CHAT: variants seen among roughly 807,000 people sequenced by gnomAD.
CHAT encodes choline O-acetyltransferase.
A neutral mutation model predicts 76.9 loss-of-function variants in CHAT; 61 were observed. The observed-to-expected ratio is 0.79, with a 90% CI of 0.65 to 0.98. CHAT has a LOEUF of 0.98. Ranked by LOEUF, CHAT falls within the 50% of genes least tolerant of loss-of-function variation. The probability of loss-of-function intolerance (pLI) is 0.00; values close to 1 mark genes in which losing one functional copy is unlikely to be tolerated. For synonymous variants in CHAT, 407 were observed against 397.4 expected (o/e 1.02, Z -0.29); for missense variants, 946 against 986.9 (o/e 0.96, Z 0.56).
chr10:49,617,252 G>A (rs1286007613), intron 2 of CHAT, among the ~76,000 whole-genome samples: 1 of 151,118 alleles, frequency 6.6e-6, no homozygotes, highest in East Asian at 1.9e-4. Flanking sequence ...CCAAGAAGCT[G>A]TTCACTCCAT....
intron 7 of CHAT, among the ~76,000 whole-genome samples, chr10:49,636,227 T>C (rs1839290175): frequency 6.6e-6 from 1 of 152,352 alleles, no homozygotes; most frequent in African/African-American, 2.4e-5. Context: ...TGAATGGATG[T>C]TCAATTTTGT....
At chr10:49,639,123 C>A (rs1393887896) in intron 7 of CHAT, among the ~76,000 whole-genome samples, 4 of 151,998 alleles carry the variant, frequency 2.6e-5, no homozygotes, top group Non-Finnish European at 5.9e-5. Context: ...TAATCCCAGC[C>A]ACTCAGGAGG....
rs1447873676 is a variant in CHAT, at chr10:49,614,286, C to A, written c.97C>A (p.Pro33Thr). The A allele has an allele frequency of 1.3e-6, 2 of 1,548,574 alleles. No homozygotes were observed. Among genetic ancestry groups the A allele is most frequent in the South Asian group, 2.4e-5 (2 of 83,908 alleles). ...TACAAGAGGAAGGAGAGAAGTGCGG[C>A]CAGCTTGCTTTCTCCAGTCGGGTGG... ...GGTRGRREVR[P>T]ACFLQSGGRG... The change falls in exon 1 of 15, where the codon CCA (proline) becomes ACA (threonine). Residue 33 changes from proline to threonine, a missense_variant. Around this residue, in one of 3 missense-constraint regions of CHAT, gnomAD observed 548 missense variants for 516.2 expected, o/e 1.06. Transcript: ENST00000337653.
chr10:49,655,247 C>T lies in CHAT; in HGVS notation c.1776+11C>T, dbSNP rs879139427. 5 of 1,613,856 alleles carry T rather than the reference C, an allele frequency of 3.1e-6. No homozygotes were observed. Among genetic ancestry groups the T allele is most frequent in the African/African-American group, 1.3e-5 (1 of 74,928 alleles). On this transcript the variant is annotated intron_variant, in intron 12 of 14. Transcript: ENST00000337653. The stretch of plus-strand genomic sequence containing the variant: ...AAGGCTGCTGTGCCAGTAAGTCCCG[C>T]CCCACCCCACGGCCACAGGAAACCA...
At chr10:49,658,720 A>C (rs1357403221) in intron 13 of CHAT, among the ~76,000 whole-genome samples, 2 of 152,234 alleles carry the variant, frequency 1.3e-5, no homozygotes, top group African/African-American at 4.8e-5. Flanking sequence ...AAAAACAAAC[A>C]AACAAACAAA....
chr10:49,632,752 C>T (rs764253120), intron 7 of CHAT, among the ~76,000 whole-genome samples: 61 of 152,220 alleles, frequency 4.0e-4, no homozygotes, highest in African/African-American at 1.4e-3. Flanking sequence ...ACCCTGCCCC[C>T]AACCAGGATG....
chr10:49,660,793 G>C (rs1398479785), intron 13 of CHAT, among the ~76,000 whole-genome samples: 1 of 152,194 alleles, frequency 6.6e-6, no homozygotes, highest in African/African-American at 2.4e-5. Context: ...TGGGTTTGGG[G>C]AAAGGAGAGA....
At chr10:49,630,500 T>A (rs1037513520) in intron 7 of CHAT, among the ~76,000 whole-genome samples, 2 of 152,106 alleles carry the variant, frequency 1.3e-5, no homozygotes, top group Non-Finnish European at 2.9e-5. Flanking sequence ...ACAGAAGTGA[T>A]CCAACAGCAG....
upstream of CHAT, chr10:49,612,184 C>T (rs138708428): frequency 5.6e-6 from 9 of 1,609,874 alleles, no homozygotes; most frequent in East Asian, 1.8e-4. Context: ...CCGTTCCGAG[C>T]GCGATGTGCT....
intron 8 of CHAT, among the ~76,000 whole-genome samples, chr10:49,647,738 G>A (rs993743119): frequency 1.4e-5 from 2 of 146,252 alleles, no homozygotes. Context: ...AAAAGACACC[G>A]CTTTCCTTCC....
intron 7 of CHAT, among the ~76,000 whole-genome samples, chr10:49,644,215 GTGA>G (rs927446906): frequency 1.3e-5 from 2 of 152,216 alleles, no homozygotes; most frequent in Admixed American, 1.3e-4. Context: ...CACAGCCTGC[GTGA>G]TGATGAGGAG....
At chr10:49,614,031 A>C, upstream of CHAT, 1 of 1,317,340 alleles carries the variant, frequency 7.6e-7, no homozygotes, top group South Asian at 1.3e-5. Context: ...AAGTGCGGTG[A>C]CTGGGAAATG....
chr10:49,611,591 G>A (rs2132687477), upstream of CHAT: 1 of 1,609,728 alleles, frequency 6.2e-7, no homozygotes, highest in Non-Finnish European at 8.5e-7. Flanking sequence ...CCCATCCACC[G>A]CCTCATGCTA....
At chr10:49,612,315 C>A, upstream of CHAT, 1 of 1,602,636 alleles carries the variant, frequency 6.2e-7, no homozygotes, top group Non-Finnish European at 8.5e-7. Flanking sequence ...AGGACGACTA[C>A]AACTACTACT....
intron 13 of CHAT, among the ~76,000 whole-genome samples, chr10:49,659,398 A>C (rs6537547): frequency 0.4 from 61,463 of 152,044 alleles, 12,964 homozygotes; most frequent in East Asian, 0.69. Context: ...CTGAAAAAAA[A>C]CAGAAGATTT....
rs536397886 is a variant in CHAT, at chr10:49,621,001, C to T, written c.698+388C>T. On this transcript the variant is annotated intron_variant, in intron 4 of 14. Coordinates refer to ENST00000337653, the MANE Select transcript of CHAT (RefSeq NM_020549.5). Reference sequence around the variant, plus strand: ...GAGGGCCTCTGCTTCCTTCCAGAGCCCCCAGCTCTAAACAGAGGCCCCAGA... The same window carrying T: ...GAGGGCCTCTGCTTCCTTCCAGAGCTCCCAGCTCTAAACAGAGGCCCCAGA... Among the ~76,000 whole-genome samples the T allele has an allele frequency of 7.2e-5, 11 of 152,294 alleles. No homozygotes were observed. The South Asian group carries it at 1.5e-3, about 20-fold the overall frequency.
intron 2 of CHAT, 58 bp from the exon 3 acceptor site, chr10:49,619,667 G>T: frequency 6.5e-7 from 1 of 1,547,790 alleles, no homozygotes; most frequent in Non-Finnish European, 8.8e-7. Context: ...GACCAACTTG[G>T]GGACAGGCAT....
chr10:49,617,487 C>T (rs1838541422), intron 2 of CHAT, among the ~76,000 whole-genome samples: 1 of 152,194 alleles, frequency 6.6e-6, no homozygotes, highest in African/African-American at 2.4e-5. Context: ...TAGCACAGGG[C>T]CAGAAGTCCA....
intron 4 of CHAT, among the ~76,000 whole-genome samples, chr10:49,621,173 A>T (rs10082479): frequency 0.23 from 34,286 of 152,190 alleles, 5,215 homozygotes; most frequent in African/African-American, 0.41. Context: ...TTCTGGAGTC[A>T]CTCAGAGTCT....
Sources: allele counts gnomAD v4.1 joint callset (sites outside exome capture counted in the v4.1 genomes callset), GRCh38; gene constraint gnomAD v4.1.1; regional missense constraint gnomAD v4.1.1; transcripts MANE v1.5; gene names NCBI Gene and HGNC (gene_info 2026-07-23, HGNC 2026-07-21).